Variants in EDEM3 observed in about 807,000 individuals in gnomAD.
EDEM3 encodes ER degradation enhancing alpha-mannosidase like protein 3, also known as ER degradation-enhancing alpha-mannosidase-like protein 3.
EDEM3 carries 60 observed loss-of-function variants against 110.2 expected under a neutral mutation model. That is an observed-to-expected ratio of 0.54 (90% CI 0.44 to 0.67). The LOEUF is 0.67. Ranked by LOEUF, EDEM3 falls within the 30% of genes least tolerant of loss-of-function variation. The pLI is 0.00. For synonymous variants in EDEM3, 352 were observed against 382.9 expected (o/e 0.92, Z 0.94); for missense variants, 996 against 1,121.0 (o/e 0.89, Z 1.59).
At chr1:184,695,834 C>T (rs1281435230) in intron 19 of EDEM3, among the ~76,000 whole-genome samples, 1 of 151,808 alleles carries the variant, frequency 6.6e-6, no homozygotes, top group Non-Finnish European at 1.5e-5. Context: ...CCAGAAAAAA[C>T]AAAGGAAATG....
Position 184,754,551 on chromosome 1 carries a change from C to T in EDEM3, c.96G>A (p.Ser32=). The T allele has an allele frequency of 6.2e-7, 1 of 1,612,760 alleles. No individual in the cohort carries two copies. The highest frequency in any genetic ancestry group is 8.5e-7 in the Non-Finnish European group (1 of 1,179,778). ...CCCCCGCCGTCCACACGGAGGTGGC[C>T]GACACCAGGCAGAACGCGGCCGTCG... ...VAATAAFCLV[S]ATSVWTAGAE... is the part of the protein sequence containing the mutation. Residue 32 remains serine (S), a synonymous_variant, in exon 1 of 20, where the codon TCG becomes TCA. Coordinates refer to ENST00000318130, the MANE Select transcript of EDEM3 (RefSeq NM_025191.4).
At position 184,737,694 on chromosome 1, in the gene EDEM3, A is replaced by G; in HGVS notation, c.222T>C (p.Ala74=). The change falls in exon 3 of 20, where the codon GCT becomes GCC. Residue 74 remains alanine, a synonymous_variant. Transcript: ENST00000318130. ...YGNYMEHAYP[A]DELMPLTCRG... is the part of the protein sequence containing the mutation. Reference sequence around the variant, plus strand: ...TACAGGTTAAAGGCATGAGTTCATCAGCAGGGTAAGCATGTTCCTGCAAGG... The same window carrying G: ...TACAGGTTAAAGGCATGAGTTCATCGGCAGGGTAAGCATGTTCCTGCAAGG... 1 of 1,613,810 alleles carries G rather than the reference A, an allele frequency of 6.2e-7. No homozygotes were observed. The highest frequency in any genetic ancestry group is 8.5e-7 in the Non-Finnish European group (1 of 1,179,756).
chr1:184,743,950 G>C (rs1343856088), intron 2 of EDEM3, among the ~76,000 whole-genome samples: 1 of 150,834 alleles, frequency 6.6e-6, no homozygotes, highest in Non-Finnish European at 1.5e-5. Flanking sequence ...ATCAGTTATA[G>C]ATCTAATGAA....
At chr1:184,751,151 A>G (rs1652742489) in intron 1 of EDEM3, among the ~76,000 whole-genome samples, 1 of 144,840 alleles carries the variant, frequency 6.9e-6, no homozygotes. Flanking sequence ...ATTCTTTGTA[A>G]GTTTACATAT....
Position 184,717,561 on chromosome 1 carries a change from T to G in EDEM3, c.1224A>C (p.Glu408Asp). 2.5e-6 allele frequency: 4 copies of G among 1,607,896 alleles called. No individual in the cohort carries two copies. Among genetic ancestry groups the G allele is most frequent in the Non-Finnish European group, 3.4e-6 (4 of 1,177,500 alleles). The change falls in exon 12 of 20, where the codon GAA becomes GAC. Residue 408 changes from glutamate to aspartate, a missense_variant. Glu to Asp is a conservative substitution (Grantham distance 45). Around this residue, in one of 5 missense-constraint regions of EDEM3, gnomAD observed 310 missense variants for 394.6 expected, o/e 0.79. Coordinates refer to ENST00000318130, the MANE Select transcript of EDEM3 (RefSeq NM_025191.4). ...TTACTTTATATAAGAAGTAGGTACT[T>G]TCTGCAAATTCTGGCCTTAAAGGAT... ...AQHPLRPEFAESTYFLYKATG... is the reference protein window; with the variant it reads ...AQHPLRPEFADSTYFLYKATG...
intron 6 of EDEM3, among the ~76,000 whole-genome samples, chr1:184,730,780 G>A (rs531247094): frequency 3.4e-4 from 52 of 151,702 alleles, no homozygotes; most frequent in Non-Finnish European, 6.2e-4. Context: ...CTTGATGGAG[G>A]AAATGAGCCT....
intron 8 of EDEM3, among the ~76,000 whole-genome samples, chr1:184,722,421 G>A (rs1339029562): frequency 3.9e-5 from 6 of 151,958 alleles, no homozygotes; most frequent in Non-Finnish European, 8.8e-5. Flanking sequence ...TAACCAAGAT[G>A]AGACCAGACA....
rs1441091892 is a variant in EDEM3 at position 184,691,038 on chromosome 1, G to A, written c.*3025C>T. Reference sequence around the variant, plus strand: ...GCTTCTTGAGAGAGTAATTACATTAGTGAAGTTAAAATCAGAAAGTGTACA... The same window carrying A: ...GCTTCTTGAGAGAGTAATTACATTAATGAAGTTAAAATCAGAAAGTGTACA... On this transcript the variant is annotated 3_prime_UTR_variant, in exon 20 of 20. Coordinates refer to ENST00000318130, the MANE Select transcript of EDEM3 (RefSeq NM_025191.4). 1 of 152,466 alleles carries A rather than the reference G, an allele frequency of 6.6e-6. No homozygotes were observed. Among genetic ancestry groups the A allele is most frequent in the African/African-American group, 2.4e-5 (1 of 41,406 alleles). The allele number at this position is 152,466 out of a possible 1,614,324, so 9.4% of individuals were successfully genotyped here.
chr1:184,733,919 G>A (rs1396931809), intron 5 of EDEM3, among the ~76,000 whole-genome samples: 5 of 152,028 alleles, frequency 3.3e-5, no homozygotes, highest in Non-Finnish European at 7.4e-5. Context: ...CTGAAGAGGT[G>A]CTTGGCTATG....
At chr1:184,714,671 C>T (rs1030417651) in intron 13 of EDEM3, among the ~76,000 whole-genome samples, 1 of 152,134 alleles carries the variant, frequency 6.6e-6, no homozygotes, top group African/African-American at 2.4e-5. Flanking sequence ...GTAAGGTATG[C>T]TCATCTAAAC....
intron 16 of EDEM3, among the ~76,000 whole-genome samples, chr1:184,708,911 G>A (rs1023758648): frequency 2.0e-5 from 3 of 152,182 alleles, no homozygotes; most frequent in Admixed American, 6.6e-5. Flanking sequence ...GATTCTGCTT[G>A]TGTGTACCTG....
intron 2 of EDEM3, among the ~76,000 whole-genome samples, chr1:184,739,715 A>C (rs1467588546): frequency 2.0e-5 from 3 of 152,214 alleles, no homozygotes; most frequent in Non-Finnish European, 4.4e-5. Flanking sequence ...TTTCTGGTGT[A>C]GATGGTAATG....
At chr1:184,705,997 A>C (rs1314667270) in intron 18 of EDEM3, among the ~76,000 whole-genome samples, 2 of 152,192 alleles carry the variant, frequency 1.3e-5, no homozygotes, top group Non-Finnish European at 1.5e-5. Context: ...ATCTGCTAGC[A>C]ATACTGTAAA....
intron 13 of EDEM3, among the ~76,000 whole-genome samples, chr1:184,713,809 T>C (rs1318430257): frequency 1.3e-5 from 2 of 152,216 alleles, no homozygotes; most frequent in Admixed American, 1.3e-4. Flanking sequence ...AGTTTATTCT[T>C]CTGTAAAAGG....
chr1:184,753,987 A>G (rs191384171), intron 1 of EDEM3, among the ~76,000 whole-genome samples: 39 of 152,366 alleles, frequency 2.6e-4, no homozygotes, highest in African/African-American at 9.4e-4. Context: ...GTGCAAGAAA[A>G]CACTGCAAGG....
At chr1:184,742,428 T>C (rs1421083284) in intron 2 of EDEM3, among the ~76,000 whole-genome samples, 1 of 152,128 alleles carries the variant, frequency 6.6e-6, no homozygotes, top group Non-Finnish European at 1.5e-5. Flanking sequence ...GTCTCACTCT[T>C]TCACCCAGGC....
rs766553029 is a variant in EDEM3 at position 184,734,649 on chromosome 1, A to G, written c.346-6T>C. The G allele has an allele frequency of 4.9e-6, 6 of 1,221,292 alleles. No individual in the cohort carries two copies. In the East Asian group the frequency reaches 1.5e-4, roughly 30 times the overall value. 75.7% of individuals were successfully genotyped at this position (1,221,292 alleles called of 1,614,324 possible). On this transcript the variant is annotated splice_region_variant and splice_polypyrimidine_tract_variant and intron_variant, in intron 4 of 19. Coordinates refer to ENST00000318130, the MANE Select transcript of EDEM3 (RefSeq NM_025191.4). ...TCTTTAGTTTTATTTAAAACCTGGGAGAAGAAAATTATGAAATAAAGTTCT... is the reference window on the plus strand; with the variant it reads ...TCTTTAGTTTTATTTAAAACCTGGGGGAAGAAAATTATGAAATAAAGTTCT...
intron 2 of EDEM3, 114 bp downstream of exon 2, chr1:184,749,433 A>C: frequency 3.5e-6 from 3 of 863,320 alleles, no homozygotes; most frequent in Non-Finnish European, 3.5e-6. Context: ...TGTTTTTTAA[A>C]AACTTCCTTT....
At chr1:184,748,995 C>T (rs1457891929) in intron 2 of EDEM3, among the ~76,000 whole-genome samples, 1 of 152,188 alleles carries the variant, frequency 6.6e-6, no homozygotes, top group Non-Finnish European at 1.5e-5. Context: ...TGTTGCACAA[C>T]AGATCTCCAG....
Sources: gnomAD v4.1 joint callset for allele counts (sites outside exome capture counted in the v4.1 genomes callset) on GRCh38, gnomAD v4.1.1 for gene constraint, gnomAD v4.1.1 regional missense constraint, MANE v1.5 for transcripts, NCBI Gene and HGNC (gene_info 2026-07-23, HGNC 2026-07-21) for gene names.